Variants in TOPBP1 observed in about 807,000 individuals in gnomAD.
The protein encoded by TOPBP1 is DNA topoisomerase 2-binding protein 1.
In TOPBP1, 28 loss-of-function variants were observed where a neutral mutation model predicts 167.7. The observed-to-expected ratio is 0.17, with a 90% CI of 0.12 to 0.23. The LOEUF is 0.23. Ranked by LOEUF, TOPBP1 falls within the 10% of genes least tolerant of loss-of-function variation. TOPBP1 has a pLI of 1.00. For synonymous variants in TOPBP1, 598 were observed against 611.4 expected (o/e 0.98, Z 0.32); for missense variants, 1,554 against 1,809.6 (o/e 0.86, Z 2.56).
At chr3:133,605,668 C>T (rs1934467609) in intron 27 of TOPBP1, among the ~76,000 whole-genome samples, 2 of 152,130 alleles carry the variant, frequency 1.3e-5, no homozygotes, top group South Asian at 2.1e-4. Flanking sequence ...GACCCTATAG[C>T]TGGTGAAATA....
rs1046124899 is a variant in TOPBP1 at position 133,630,132 on chromosome 3, T to C, written c.2521-1399A>G. On this transcript the variant is annotated intron_variant, in intron 14 of 27. Transcript: ENST00000260810. ...TTTTTGTGATAACTATCTGCTCCTATCCTTTGCCCATTTTTCTACTGGGTT... is the reference window on the plus strand; with the variant it reads ...TTTTTGTGATAACTATCTGCTCCTACCCTTTGCCCATTTTTCTACTGGGTT... Among the ~76,000 whole-genome samples, 7 of 152,110 alleles carry C rather than the reference T, an allele frequency of 4.6e-5. No individual in the cohort carries two copies. In the East Asian group the frequency reaches 1.4e-3, roughly 29 times the overall value.
chr3:133,616,854 AG>A lies in TOPBP1; in HGVS notation c.3830del (p.Pro1277LeufsTer10). 6.4e-7 allele frequency: 1 copy of A among 1,558,524 alleles called. No individual in the cohort carries two copies. The highest frequency in any genetic ancestry group is 8.7e-7 in the Non-Finnish European group (1 of 1,154,562). ...QYIFQLSSLN[P>X]QERIDYCHLI... ...GATGACAATAGTCAATACGTTCTTGAGGATTCAGAGATGATAACTGAAATAT... is the reference window on the plus strand; with the variant it reads ...GATGACAATAGTCAATACGTTCTTGAGATTCAGAGATGATAACTGAAATAT... On this transcript the variant is annotated frameshift_variant, in exon 23 of 28. Coordinates refer to ENST00000260810, the MANE Select transcript of TOPBP1 (RefSeq NM_007027.4). LOFTEE classifies it high-confidence loss of function.
chr3:133,601,620 C>CTACCAGGTTTG (rs1934302702), intron 27 of TOPBP1, among the ~76,000 whole-genome samples: 1 of 152,166 alleles, frequency 6.6e-6, no homozygotes, highest in Admixed American at 6.6e-5. Context: ...TAGAGTGGGA[C>CTACCAGGTTTG]TAGCTCAGAT....
intron 1 of TOPBP1, among the ~76,000 whole-genome samples, chr3:133,661,370 C>T (rs1274545182): frequency 6.6e-6 from 1 of 152,212 alleles, no homozygotes; most frequent in Non-Finnish European, 1.5e-5. Context: ...GAATTGAATA[C>T]ACTGAGGAAG....
chr3:133,645,251 A>AT (rs1936035806), intron 10 of TOPBP1, among the ~76,000 whole-genome samples: 2 of 152,308 alleles, frequency 1.3e-5, no homozygotes, highest in African/African-American at 4.8e-5. Flanking sequence ...CCTACTAAAC[A>AT]TAAGTATTAA....
intron 8 of TOPBP1, among the ~76,000 whole-genome samples, chr3:133,651,566 C>G (rs775329655): frequency 6.6e-6 from 1 of 152,124 alleles, no homozygotes; most frequent in Non-Finnish European, 1.5e-5. Flanking sequence ...CCAAGTCATT[C>G]TACAAATAGG....
chr3:133,639,118 C>A (rs957953717), intron 13 of TOPBP1, among the ~76,000 whole-genome samples: 1 of 152,172 alleles, frequency 6.6e-6, no homozygotes, highest in Non-Finnish European at 1.5e-5. Flanking sequence ...TGGGTATATA[C>A]CCAAAGGATT....
At chr3:133,657,470 C>T (rs981672238) in intron 4 of TOPBP1, among the ~76,000 whole-genome samples, 1 of 151,108 alleles carries the variant, frequency 6.6e-6, no homozygotes, top group Non-Finnish European at 1.5e-5. Context: ...CAACCTCCAC[C>T]TCCCTGATTC....
In TOPBP1 at chr3:133,658,501, C is replaced by T. The variant is rs772480783; in HGVS notation, c.219+515G>A. On this transcript the variant is annotated intron_variant, in intron 3 of 27. Coordinates refer to ENST00000260810, the MANE Select transcript of TOPBP1 (RefSeq NM_007027.4). Reference sequence around the variant, plus strand: ...AAAAAAAGAAAAGAAAAGAAATAAACTTCAAAAGCCCCTTTCACTGAAAAC... The same window carrying T: ...AAAAAAAGAAAAGAAAAGAAATAAATTTCAAAAGCCCCTTTCACTGAAAAC... Among the ~76,000 whole-genome samples, 6 of 151,358 alleles carry T rather than the reference C, an allele frequency of 4.0e-5. No individual in the cohort carries two copies. The East Asian group carries it at 5.8e-4, about 15-fold the overall frequency.
intron 14 of TOPBP1, among the ~76,000 whole-genome samples, chr3:133,636,501 G>C (rs1935681984): frequency 6.6e-6 from 1 of 152,082 alleles, no homozygotes; most frequent in Admixed American, 6.5e-5. Context: ...AAAGAAAAAA[G>C]AGGAAAAACA....
intron 14 of TOPBP1, among the ~76,000 whole-genome samples, chr3:133,635,224 A>G (rs971323439): frequency 6.6e-6 from 1 of 152,080 alleles, no homozygotes; most frequent in Non-Finnish European, 1.5e-5. Flanking sequence ...TGCTGGGATA[A>G]CAGGCATGAG....
intron 14 of TOPBP1, among the ~76,000 whole-genome samples, chr3:133,637,273 T>G (rs947254176): frequency 2.6e-5 from 4 of 152,160 alleles, no homozygotes; most frequent in Non-Finnish European, 4.4e-5. Flanking sequence ...GAAAATCAGT[T>G]TTGGAAAATC....
At chr3:133,649,744 T>G (rs748510730) in intron 9 of TOPBP1, 36 bp downstream of exon 9, 11 of 1,583,292 alleles carry the variant, frequency 6.9e-6, no homozygotes, top group Non-Finnish European at 9.4e-6. Context: ...AAAAATTATG[T>G]AGTAGAAATT....
At chr3:133,646,511 C>A (rs1363105418) in intron 10 of TOPBP1, among the ~76,000 whole-genome samples, 1 of 151,842 alleles carries the variant, frequency 6.6e-6, no homozygotes, top group South Asian at 2.1e-4. Context: ...ATTAGCTGGG[C>A]GTGGTGGTGC....
rs558577519 is a variant in TOPBP1 at position 133,605,201 on chromosome 3, A to C, written c.4425+3334T>G. ...GCAACAGAGCCAGACCGTGTCTCAA[A>C]AAAAAAAAAAAGAAAACTCCAGACC... On this transcript the variant is annotated intron_variant, in intron 27 of 27. Transcript: ENST00000260810. 1.3e-5 allele frequency among the ~76,000 whole-genome samples: 2 copies of C among 150,556 alleles called. 1 individual carries two copies. Among genetic ancestry groups the C allele is most frequent in the Non-Finnish European group, 3.0e-5 (2 of 67,414 alleles).
chr3:133,632,006 A>G (rs916276885), intron 14 of TOPBP1, among the ~76,000 whole-genome samples: 1 of 152,120 alleles, frequency 6.6e-6, no homozygotes, highest in Non-Finnish European at 1.5e-5. Flanking sequence ...CAGCCATGAA[A>G]GACGTGCTCA....
intron 23 of TOPBP1, among the ~76,000 whole-genome samples, chr3:133,616,490 A>G (rs62282415): frequency 0.14 from 21,045 of 152,230 alleles, 1,823 homozygotes; most frequent in Non-Finnish European, 0.2. Context: ...AGATATTATT[A>G]ACCTTTCAAG....
chr3:133,661,038 T>C lies in TOPBP1; in HGVS notation c.84+6A>G. 6.4e-7 allele frequency: 1 copy of C among 1,569,578 alleles called. No homozygotes were observed. Among genetic ancestry groups the C allele is most frequent in the Non-Finnish European group, 8.6e-7 (1 of 1,163,890 alleles). Reference sequence around the variant, plus strand: ...TTCACGGTATTAAGATGTTTTCAACTCTTACCTCGAGAGCTTTAAAAAAAC... The same window carrying C: ...TTCACGGTATTAAGATGTTTTCAACCCTTACCTCGAGAGCTTTAAAAAAAC... On this transcript the variant is annotated splice_donor_region_variant and intron_variant, in intron 2 of 27. Transcript: ENST00000260810.
At chr3:133,649,312 A>G in intron 10 of TOPBP1, 71 bp downstream of exon 10, 1 of 1,499,498 alleles carries the variant, frequency 6.7e-7, no homozygotes, top group East Asian at 2.3e-5. Context: ...CTTGGCAGAA[A>G]TCACATATGT....
Sources: gnomAD v4.1 joint callset for allele counts (sites outside exome capture counted in the v4.1 genomes callset) on GRCh38, gnomAD v4.1.1 for gene constraint, MANE v1.5 for transcripts, NCBI Gene and HGNC (gene_info 2026-07-23, HGNC 2026-07-21) for gene names.